TDRP: variants seen among roughly 807,000 people sequenced by gnomAD.
TDRP encodes the protein testis development-related protein.
In TDRP, 12 loss-of-function variants were observed where a neutral mutation model predicts 10.5. The ratio of observed to expected loss-of-function variants is 1.15; its 90% CI spans 0.73 to 1.86. The LOEUF (loss-of-function observed/expected upper bound fraction) is 1.86, where lower values mean the gene tolerates loss of function less well. Among genes scored for constraint, TDRP ranks in the 40% most tolerant of loss-of-function variants. The pLI, the probability that TDRP is intolerant of heterozygous loss-of-function variation, is 0.00. For missense variants in TDRP, 353 were observed against 229.2 expected (o/e 1.54, Z -3.49); for synonymous variants, 139 against 95.4 (o/e 1.46, Z -2.67).
At chr8:534,936 A>G (rs1247373245) in intron 1 of TDRP, among the ~76,000 whole-genome samples, 3 of 152,182 alleles carry the variant, frequency 2.0e-5, no homozygotes, top group Non-Finnish European at 4.4e-5. Flanking sequence ...TCTATCCTCC[A>G]AACCAAGACA....
intron 1 of TDRP, among the ~76,000 whole-genome samples, chr8:498,693 G>A (rs765300306): frequency 2.6e-5 from 4 of 152,070 alleles, no homozygotes; most frequent in African/African-American, 7.2e-5. Context: ...TTTGGGAGGG[G>A]CCAGGAGCAG....
At chr8:512,208 G>T (rs182884023) in intron 1 of TDRP, among the ~76,000 whole-genome samples, 1 of 151,814 alleles carries the variant, frequency 6.6e-6, no homozygotes, top group Admixed American at 6.6e-5. Flanking sequence ...GGTGGATCAC[G>T]AGGTGGAGAC....
chr8:514,873 T>A (rs1157964148), intron 1 of TDRP, among the ~76,000 whole-genome samples: 1 of 151,550 alleles, frequency 6.6e-6, no homozygotes, highest in African/African-American at 2.4e-5. Context: ...GGCAGGAGAG[T>A]TTTCTTTCAC....
At chr8:542,230 T>C (rs531567054) in intron 1 of TDRP, among the ~76,000 whole-genome samples, 1 of 152,112 alleles carries the variant, frequency 6.6e-6, no homozygotes, top group Non-Finnish European at 1.5e-5. Flanking sequence ...CAAAGATCAA[T>C]GTTTGCCAGG....
At chr8:533,760 C>T (rs1054532180) in intron 1 of TDRP, among the ~76,000 whole-genome samples, 7 of 152,110 alleles carry the variant, frequency 4.6e-5, no homozygotes, top group African/African-American at 1.2e-4. Flanking sequence ...CCCCCTCCCC[C>T]GATCACGAAG....
chr8:533,192 T>C (rs1375791845), intron 1 of TDRP, among the ~76,000 whole-genome samples: 1 of 152,222 alleles, frequency 6.6e-6, no homozygotes, highest in Non-Finnish European at 1.5e-5. Flanking sequence ...TTGTACATTT[T>C]TGACAGTGTC....
rs545645216 is a variant in TDRP at position 532,628 on chromosome 8, A to C, written c.108+12022T>G. On this transcript the variant is annotated intron_variant, in intron 1 of 2. Transcript: ENST00000324079. Reference sequence around the variant, plus strand: ...CTAATACAATGGAAGCTCCGGAAGAATATAAGTCAGCTTCATGACTATGCT... The same window carrying C: ...CTAATACAATGGAAGCTCCGGAAGACTATAAGTCAGCTTCATGACTATGCT... Among the ~76,000 whole-genome samples the C allele has an allele frequency of 3.9e-5, 6 of 152,380 alleles. No homozygotes were observed. In the South Asian group the frequency reaches 1.0e-3, roughly 26 times the overall value.
chr8:493,969 C>G (rs536006146), intron 2 of TDRP, among the ~76,000 whole-genome samples: 4 of 147,594 alleles, frequency 2.7e-5, no homozygotes, highest in Admixed American at 6.8e-5. Context: ...TTTTTTTCAT[C>G]GAACACCACA....
intron 1 of TDRP, among the ~76,000 whole-genome samples, chr8:526,996 T>A (rs1394858211): frequency 6.6e-6 from 1 of 152,184 alleles, no homozygotes; most frequent in Non-Finnish European, 1.5e-5. Context: ...GACTCATGTC[T>A]GTAATCCCAG....
chr8:499,671 C>G (rs1801232518), intron 1 of TDRP, among the ~76,000 whole-genome samples: 1 of 152,236 alleles, frequency 6.6e-6, no homozygotes, highest in Non-Finnish European at 1.5e-5. Flanking sequence ...CACTCATCCA[C>G]TATGCGGGCA....
At chr8:526,505 T>C (rs1802039183) in intron 1 of TDRP, among the ~76,000 whole-genome samples, 1 of 152,236 alleles carries the variant, frequency 6.6e-6, no homozygotes, top group Non-Finnish European at 1.5e-5. Context: ...GTTGATATGA[T>C]GTATCACGTT....
At chr8:545,149 G>C, upstream of TDRP, among the ~76,000 whole-genome samples, 2 of 120,412 alleles carry the variant, frequency 1.7e-5, no homozygotes, top group Non-Finnish European at 3.4e-5. Context: ...CTCCCAGTGT[G>C]GTCCCCGCCA....
intron 1 of TDRP, among the ~76,000 whole-genome samples, chr8:498,117 G>T (rs1191838746): frequency 6.6e-6 from 1 of 152,172 alleles, no homozygotes; most frequent in African/African-American, 2.4e-5. Flanking sequence ...CCCACACCAA[G>T]TCCCCACTGG....
intron 1 of TDRP, among the ~76,000 whole-genome samples, chr8:543,375 A>G (rs182417682): frequency 2.5e-4 from 38 of 152,304 alleles, no homozygotes; most frequent in African/African-American, 6.7e-4. Context: ...GAAAAATGGG[A>G]GAACATAGGA....
At chr8:535,472 G>A (rs959886039) in intron 1 of TDRP, among the ~76,000 whole-genome samples, 9 of 152,080 alleles carry the variant, frequency 5.9e-5, no homozygotes, top group Non-Finnish European at 1.3e-4. Context: ...TGAGCAGACA[G>A]GAAAGAAAAA....
intron 1 of TDRP, among the ~76,000 whole-genome samples, chr8:526,993 G>T (rs1384038206): frequency 6.6e-6 from 1 of 152,138 alleles, no homozygotes; most frequent in Non-Finnish European, 1.5e-5. Flanking sequence ...AGTGACTCAT[G>T]TCTGTAATCC....
At chr8:493,990 GTTGT>G (rs1585131811) in intron 2 of TDRP, among the ~76,000 whole-genome samples, 2 of 80,022 alleles carry the variant, frequency 2.5e-5, no homozygotes, top group African/African-American at 1.1e-4. Context: ...ACTCATTTCT[GTTGT>G]TTTTTTTTTT....
At chr8:541,480 T>C (rs188566979) in intron 1 of TDRP, among the ~76,000 whole-genome samples, 19 of 152,272 alleles carry the variant, frequency 1.2e-4, no homozygotes, top group African/African-American at 4.6e-4. Context: ...AAGCCACAGA[T>C]TGGGAGAAAA....
chr8:544,703 C>G lies in TDRP; in HGVS notation c.55G>C (p.Asp19His). The stretch of plus-strand genomic sequence containing the variant: ...GGTGGCGGCCCCCCACGCAGGCCGT[C>G]CTCCTCCTCGGGGGGCTCGTCCAGC... ...VLLDEPPEEE[D>H]GLRGGPPPAA... Residue 19 changes from aspartate to histidine, a missense_variant, in exon 1 of 3, where the codon GAC (aspartate) becomes CAC (histidine). Transcript: ENST00000324079. 8.0e-7 allele frequency: 1 copy of G among 1,245,966 alleles called. No individual in the cohort carries two copies. The highest frequency in any genetic ancestry group is 1.0e-6 in the Non-Finnish European group (1 of 995,702). 77.2% of individuals were successfully genotyped at this position (1,245,966 alleles called of 1,614,324 possible).
Sources: gnomAD v4.1 joint callset for allele counts (sites outside exome capture counted in the v4.1 genomes callset) on GRCh38, gnomAD v4.1.1 for gene constraint, MANE v1.5 for transcripts, NCBI Gene and HGNC (gene_info 2026-07-23, HGNC 2026-07-21) for gene names.